GPC4: variants seen among roughly 807,000 people sequenced by gnomAD.
The protein encoded by GPC4 is glypican-4.
Under a neutral mutation model 35.0 loss-of-function variants are expected in GPC4, and 10 were observed. That is an observed-to-expected ratio of 0.29 (90% CI 0.18 to 0.48). The LOEUF (loss-of-function observed/expected upper bound fraction) is 0.48, where lower values mean the gene tolerates loss of function less well. GPC4 is among the 20% of genes least tolerant of loss of function. The pLI, the probability that GPC4 is intolerant of heterozygous loss-of-function variation, is 0.99. For missense variants in GPC4, 322 were observed against 451.3 expected (o/e 0.71, Z 2.60); for synonymous variants, 167 against 170.2 (o/e 0.98, Z 0.15).
At chrX:133,321,783 C>T (rs1399504779) in intron 3 of GPC4, among the ~76,000 whole-genome samples, 9 of 111,846 alleles carry the variant, frequency 8.0e-5, no homozygotes, top group African/African-American at 2.9e-4. Flanking sequence ...AGATATTATT[C>T]CTTTAATTAT....
chrX:133,397,313 G>A (rs891990487), intron 1 of GPC4, among the ~76,000 whole-genome samples: 4 of 111,222 alleles, frequency 3.6e-5, no homozygotes, highest in Admixed American at 9.6e-5. Context: ...TAGTCCCAGC[G>A]CTTTGGGAAG....
intron 1 of GPC4, among the ~76,000 whole-genome samples, chrX:133,357,491 G>A (rs2068547047): frequency 1.8e-5 from 2 of 109,514 alleles, no homozygotes; most frequent in South Asian, 8.1e-4. Context: ...GTGTTCAAAT[G>A]ATCCTCCCAC....
chrX:133,362,082 G>T (rs2068571366), intron 1 of GPC4, among the ~76,000 whole-genome samples: 1 of 109,146 alleles, frequency 9.2e-6, no homozygotes, highest in Non-Finnish European at 1.9e-5. Context: ...GGCATGGTGG[G>T]GTGCGCCTGT....
intron 2 of GPC4, among the ~76,000 whole-genome samples, chrX:133,337,213 T>C (rs1016661630): frequency 3.2e-4 from 36 of 112,452 alleles, no homozygotes; most frequent in African/African-American, 1.1e-3. Flanking sequence ...AACATATTTA[T>C]TGAATGTGAA....
At chrX:133,407,589 C>T (rs184833196) in intron 1 of GPC4, among the ~76,000 whole-genome samples, 342 of 111,776 alleles carry the variant, frequency 3.1e-3, no homozygotes, top group African/African-American at 0.01. Context: ...AGCCATATTG[C>T]TTCTCCCTAG....
chrX:133,328,802 G>A (rs1030400694), intron 2 of GPC4, among the ~76,000 whole-genome samples: 1 of 111,269 alleles, frequency 9.0e-6, no homozygotes, highest in Admixed American at 9.6e-5. Context: ...ATTCCACAAC[G>A]ATCAAAAGCC....
At chrX:133,389,277 T>C (rs1040745244) in intron 1 of GPC4, among the ~76,000 whole-genome samples, 5 of 111,317 alleles carry the variant, frequency 4.5e-5, no homozygotes, top group African/African-American at 1.6e-4. Context: ...TAATATAAGG[T>C]AGAATATTGC....
chrX:133,325,172 T>C (rs1014876708), intron 2 of GPC4, among the ~76,000 whole-genome samples: 1 of 111,009 alleles, frequency 9.0e-6, no homozygotes, highest in Middle Eastern at 4.3e-3. Context: ...TCTGTGACAG[T>C]AGTACAAATT....
chrX:133,396,314 C>T (rs1160490949), intron 1 of GPC4, among the ~76,000 whole-genome samples: 1 of 111,513 alleles, frequency 9.0e-6, no homozygotes, highest in Non-Finnish European at 1.9e-5. Context: ...CCTTTACCAT[C>T]AATTTTTGTT....
At chrX:133,403,703 T>G (rs1302952133) in intron 1 of GPC4, among the ~76,000 whole-genome samples, 1 of 100,182 alleles carries the variant, frequency 1.0e-5, no homozygotes, top group African/African-American at 3.6e-5. Flanking sequence ...TAGAGCTGCC[T>G]TTTTTTTTTT....
chrX:133,413,659 C>T (rs1382277376), intron 1 of GPC4, among the ~76,000 whole-genome samples: 1 of 110,839 alleles, frequency 9.0e-6, no homozygotes, highest in Non-Finnish European at 1.9e-5. Context: ...ATCTCTCACT[C>T]CTCCGTTAGA....
At position 133,300,214 on chromosome X, in the gene GPC4, C is replaced by T. The variant is rs2068262321; in HGVS notation, c.*2653G>A. On this transcript the variant is annotated 3_prime_UTR_variant, in exon 9 of 9. Coordinates refer to ENST00000370828, the MANE Select transcript of GPC4 (RefSeq NM_001448.3). The stretch of plus-strand genomic sequence containing the variant: ...TCAGTAACTAAACTTTAGAAATTTA[C>T]GTCAATTCTTCGCAGTGTCTTTTAA... The T allele has an allele frequency of 8.9e-6, 1 of 112,383 alleles. No individual in the cohort carries two copies. The allele number at this position is 112,383 out of a possible 1,213,427, so 9.3% of individuals were successfully genotyped here. A position where few individuals can be genotyped will look rare whatever the true frequency, so the allele number is the denominator to read the frequency against.
chrX:133,302,391 T>C lies in GPC4; in HGVS notation c.*476A>G, dbSNP rs1603052959. 1 of 112,808 alleles carries C rather than the reference T, an allele frequency of 8.9e-6. No homozygotes were observed. The highest frequency in any genetic ancestry group is 3.8e-4 in the South Asian group (1 of 2,665). 9.3% of individuals were successfully genotyped at this position (112,808 alleles called of 1,213,427 possible). ...GAGAAATGGAAATTTTACTGCTTTT[T>C]GGGCTTTTTCTTTTAATAAGATAAC... is the stretch of plus-strand genomic sequence containing the variant. On this transcript the variant is annotated 3_prime_UTR_variant, in exon 9 of 9. Coordinates refer to ENST00000370828, the MANE Select transcript of GPC4 (RefSeq NM_001448.3).
At chrX:133,341,743 G>C (rs2068467846) in intron 1 of GPC4, among the ~76,000 whole-genome samples, 1 of 111,060 alleles carries the variant, frequency 9.0e-6, no homozygotes, top group South Asian at 3.8e-4. Flanking sequence ...CTAAGAGACA[G>C]CAGGAAATAA....
chrX:133,305,856 A>G lies in GPC4; in HGVS notation c.1071T>C (p.Ser357=), dbSNP rs1396559853. 2.5e-6 allele frequency: 3 copies of G among 1,209,873 alleles called. No homozygotes were observed. Among genetic ancestry groups the G allele is most frequent in the South Asian group, 1.8e-5 (1 of 56,788 alleles). The change falls in exon 6 of 9, where the codon TCT becomes TCC. Residue 357 remains serine, a synonymous_variant. Coordinates refer to ENST00000370828, the MANE Select transcript of GPC4 (RefSeq NM_001448.3). The part of the protein sequence containing the change: ...LPAGRISRSI[S]ESAFSARFRP... Reference sequence around the variant, plus strand: ...TGAAGCGAGCACTGAAGGCACTTTCAGAGATGGAACGAGAAATTCGTCCAG... The same window carrying G: ...TGAAGCGAGCACTGAAGGCACTTTCGGAGATGGAACGAGAAATTCGTCCAG...
rs751335985 is a variant in GPC4, at chrX:133,348,917, G to A, written c.161-9576C>T. 6.2e-5 allele frequency among the ~76,000 whole-genome samples: 7 copies of A among 112,386 alleles called. No individual in the cohort carries two copies. In the South Asian group the frequency reaches 1.5e-3, roughly 24 times the overall value. On this transcript the variant is annotated intron_variant, in intron 1 of 8. Transcript: ENST00000370828. The stretch of plus-strand genomic sequence containing the variant: ...CTAACTCTGAGGTTTTCTTTTTACA[G>A]AGAGTGAGATGAGAGACTGTATGGA...
intron 1 of GPC4, among the ~76,000 whole-genome samples, chrX:133,403,976 C>T (rs772588480): frequency 1.5e-4 from 17 of 111,106 alleles, no homozygotes; most frequent in Middle Eastern, 4.2e-3. Flanking sequence ...GGATTACAGG[C>T]GAGAGCCACC....
Position 133,303,225 on chromosome X carries a change from A to G in GPC4, c.1409T>C (p.Val470Ala). 8.3e-7 allele frequency: 1 copy of G among 1,210,689 alleles called. No individual in the cohort carries two copies. The highest frequency in any genetic ancestry group is 1.1e-6 in the Non-Finnish European group (1 of 894,966). The part of the protein sequence containing the change: ...LILRQIMALR[V>A]MTSKMKNAYN... ...TGCATTCTTCATCTTGCTGGTCATC[A>G]CTCGAAGAGCCATGATTTGACGAAG... Residue 470 changes from valine to alanine, a missense_variant, in exon 8 of 9, where the codon GTG becomes GCG. Physicochemically the swap from Val to Ala is moderately conservative, Grantham distance 64 (BLOSUM62 0). Transcript: ENST00000370828.
chrX:133,336,773 T>C (rs1376438462), intron 2 of GPC4, among the ~76,000 whole-genome samples: 1 of 111,001 alleles, frequency 9.0e-6, no homozygotes, highest in Non-Finnish European at 1.9e-5. Flanking sequence ...TGTATCTATG[T>C]TCCCTAACTT....
Sources: gnomAD v4.1 joint callset for allele counts (sites outside exome capture counted in the v4.1 genomes callset) on GRCh38, gnomAD v4.1.1 for gene constraint, MANE v1.5 for transcripts, NCBI Gene and HGNC (gene_info 2026-07-23, HGNC 2026-07-21) for gene names.